Variants in ATP8A2 observed in about 807,000 individuals in gnomAD.
ATP8A2 encodes phospholipid-transporting ATPase IB.
Under a neutral mutation model 165.6 loss-of-function variants are expected in ATP8A2, and 100 were observed. The ratio of observed to expected loss-of-function variants is 0.60; its 90% confidence interval spans 0.51 to 0.71. ATP8A2 has a LOEUF of 0.71. Ranked by LOEUF, ATP8A2 falls within the 30% of genes least tolerant of loss-of-function variation. The pLI is 0.00. For missense variants in ATP8A2, 1,227 were observed against 1,479.5 expected (o/e 0.83, Z 2.80); for synonymous variants, 543 against 548.8 (o/e 0.99, Z 0.15).
intron 2 of ATP8A2, among the ~76,000 whole-genome samples, chr13:25,495,796 T>C (rs2036660496): frequency 1.3e-5 from 2 of 152,030 alleles, no homozygotes; most frequent in African/African-American, 4.8e-5. Context: ...TAAAGTCACT[T>C]TTATACTTCC....
chr13:25,948,628 C>G (rs1033726620), intron 33 of ATP8A2, among the ~76,000 whole-genome samples: 13 of 152,150 alleles, frequency 8.5e-5, no homozygotes, highest in African/African-American at 3.1e-4. Context: ...GAGCAGATAA[C>G]TAGGGTTAGC....
chr13:25,586,412 G>T (rs1419567204), intron 23 of ATP8A2, among the ~76,000 whole-genome samples: 1 of 152,170 alleles, frequency 6.6e-6, no homozygotes, highest in African/African-American at 2.4e-5. Context: ...TGTGTGGCGA[G>T]GGTTCCTGAG....
chr13:25,506,062 T>C (rs1480998553), intron 2 of ATP8A2, among the ~76,000 whole-genome samples: 1 of 152,206 alleles, frequency 6.6e-6, no homozygotes, highest in South Asian at 2.1e-4. Flanking sequence ...TCTGAGGAAA[T>C]TGGATCTAAC....
chr13:25,468,655 C>T (rs1162232865), intron 1 of ATP8A2, among the ~76,000 whole-genome samples: 2 of 152,092 alleles, frequency 1.3e-5, no homozygotes, highest in African/African-American at 4.8e-5. Context: ...CGACAAGCAG[C>T]TTGGGCGTCC....
intron 24 of ATP8A2, among the ~76,000 whole-genome samples, chr13:25,604,184 G>C (rs1405002200): frequency 6.6e-6 from 1 of 152,056 alleles, no homozygotes. Flanking sequence ...GAAGCAAGAG[G>C]GTTTGGCATT....
At chr13:25,935,901 G>A (rs1954873348) in intron 33 of ATP8A2, among the ~76,000 whole-genome samples, 1 of 152,182 alleles carries the variant, frequency 6.6e-6, no homozygotes, top group Admixed American at 6.5e-5. Flanking sequence ...ATAGATATTA[G>A]GCTTGAGTTG....
Position 25,953,377 on chromosome 13 carries a change from C to T in ATP8A2, c.3184-8198C>T, listed in dbSNP as rs1362686176. ...TAAAATGCTTTATGGGAAGTTCTGGCACAGAGTGACGCACGAAGAAATTTG... is the reference window on the plus strand; with the variant it reads ...TAAAATGCTTTATGGGAAGTTCTGGTACAGAGTGACGCACGAAGAAATTTG... On this transcript the variant is annotated intron_variant, in intron 33 of 36. Coordinates refer to ENST00000381655, the MANE Select transcript of ATP8A2 (RefSeq NM_016529.6). The surrounding 1 kb of genome is among the most constrained non-coding windows in gnomAD (Gnocchi z 6.7). 2.6e-5 allele frequency among the ~76,000 whole-genome samples: 4 copies of T among 151,938 alleles called. 1 individual carries two copies. The highest frequency in any genetic ancestry group is 2.9e-5 in the Non-Finnish European group (2 of 67,996).
At chr13:25,492,260 T>A (rs2036549942) in intron 2 of ATP8A2, among the ~76,000 whole-genome samples, 1 of 152,194 alleles carries the variant, frequency 6.6e-6, no homozygotes, top group Non-Finnish European at 1.5e-5. Flanking sequence ...TTCACCATGT[T>A]GGCCAGGCTG....
intron 24 of ATP8A2, among the ~76,000 whole-genome samples, chr13:25,626,183 A>G (rs1016673445): frequency 1.3e-5 from 2 of 152,198 alleles, no homozygotes; most frequent in Non-Finnish European, 2.9e-5. Flanking sequence ...GATCTAGAAG[A>G]TTCCTTCCTG....
intron 3 of ATP8A2, 26 bp from the exon 4 acceptor site, chr13:25,530,536 C>T: frequency 7.2e-7 from 1 of 1,384,596 alleles, no homozygotes. Flanking sequence ...GTGCCAACTT[C>T]CTACTTGTGG....
At position 26,012,541 on chromosome 13, in the gene ATP8A2, C is replaced by G. The variant is rs987532195; in HGVS notation, c.3388C>G (p.Arg1130Gly). The G allele has an allele frequency of 5.2e-6, 8 of 1,539,270 alleles. No individual in the cohort carries two copies. The highest frequency in any genetic ancestry group is 6.1e-6 in the Non-Finnish European group (7 of 1,141,816). Residue 1130 changes from arginine to glycine, a missense_variant, in exon 36 of 37, where the codon CGC becomes GGC. Arg to Gly is a moderately radical substitution (Grantham distance 125). This residue lies in a region of ATP8A2 where 260 missense variants were observed against 245.1 expected (regional missense o/e 1.06). Transcript: ENST00000381655. Reference sequence around the variant, plus strand: ...TTGCTTTATCCGCAGGCTGAACGAGCGCGACCGCCTGATCAAGAGGCTGGG... The same window carrying G: ...TTGCTTTATCCGCAGGCTGAACGAGGGCGACCGCCTGATCAAGAGGCTGGG... The part of the protein sequence containing the change: ...RDSNGKRLNE[R>G]DRLIKRLGRK...
At chr13:25,885,665 C>T (rs915972551) in intron 33 of ATP8A2, among the ~76,000 whole-genome samples, 1 of 152,200 alleles carries the variant, frequency 6.6e-6, no homozygotes, top group African/African-American at 2.4e-5. Flanking sequence ...ATGCTATTTT[C>T]TTCCTATTTA....
intron 24 of ATP8A2, among the ~76,000 whole-genome samples, chr13:25,657,052 CAAAAAAAAAAAAA>C (rs57955107): frequency 4.4e-5 from 3 of 67,704 alleles, no homozygotes; most frequent in African/African-American, 1.2e-4. Flanking sequence ...GACTCTGTCT[CAAAAAAAAAAAAA>C]AAAAAAAAAA....
intron 33 of ATP8A2, among the ~76,000 whole-genome samples, chr13:25,875,048 T>A (rs1952789241): frequency 6.6e-6 from 1 of 151,792 alleles, no homozygotes; most frequent in Non-Finnish European, 1.5e-5. Flanking sequence ...TTGTATATAG[T>A]GAGTACTCGT....
intron 21 of ATP8A2, among the ~76,000 whole-genome samples, chr13:25,579,202 C>T (rs2039700592): frequency 6.6e-6 from 1 of 152,190 alleles, no homozygotes; most frequent in Non-Finnish European, 1.5e-5. Flanking sequence ...GTCCTTATGT[C>T]ACTGGCTTAT....
intron 27 of ATP8A2, among the ~76,000 whole-genome samples, chr13:25,777,270 T>C (rs958285672): frequency 1.3e-5 from 2 of 152,248 alleles, no homozygotes; most frequent in African/African-American, 4.8e-5. Context: ...CGAGCCTATA[T>C]GGTTAGAGCC....
At chr13:25,867,383 A>G (rs754689926) in intron 33 of ATP8A2, among the ~76,000 whole-genome samples, 1 of 152,136 alleles carries the variant, frequency 6.6e-6, no homozygotes, top group African/African-American at 2.4e-5. Flanking sequence ...TACCAGTTGT[A>G]TGTGCTCTAG....
chr13:25,762,842 G>T (rs1195651258), intron 25 of ATP8A2, among the ~76,000 whole-genome samples: 1 of 152,158 alleles, frequency 6.6e-6, no homozygotes, highest in East Asian at 1.9e-4. Context: ...ATAGTTTATG[G>T]AAAGAAATGT....
chr13:25,682,230 A>G (rs1055604362), intron 24 of ATP8A2, among the ~76,000 whole-genome samples: 21 of 152,100 alleles, frequency 1.4e-4, no homozygotes, highest in African/African-American at 5.1e-4. Flanking sequence ...GCCATGGCCC[A>G]TCTTCTTGAC....
Sources: gnomAD v4.1 joint callset for allele counts (sites outside exome capture counted in the v4.1 genomes callset) on GRCh38, gnomAD v4.1.1 for gene constraint, gnomAD v4.1.1 regional missense constraint, Gnocchi (gnomAD v3.1) non-coding constraint, MANE v1.5 for transcripts, NCBI Gene and HGNC (gene_info 2026-07-23, HGNC 2026-07-21) for gene names.